EIF3H: variants seen among roughly 807,000 people sequenced by gnomAD.
EIF3H encodes the protein eukaryotic translation initiation factor 3 subunit H.
Under a neutral mutation model 44.2 loss-of-function variants are expected in EIF3H, and 26 were observed. The observed-to-expected ratio is 0.59, with a 90% CI of 0.43 to 0.82. The LOEUF is 0.82. EIF3H is among the 40% of genes least tolerant of loss of function. EIF3H has a pLI of 0.00. For missense variants in EIF3H, 359 were observed against 432.8 expected, an observed-to-expected ratio of 0.83 and a Z score of 1.51; for synonymous variants, 166 against 151.9, an observed-to-expected ratio of 1.09 and a Z score of -0.68.
chr8:116,756,139 G>T, upstream of EIF3H: 1 of 871,812 alleles, frequency 1.1e-6, no homozygotes, highest in Non-Finnish European at 1.8e-6. Flanking sequence ...TTTCATTTCT[G>T]ATCTTGCAAT....
chr8:116,720,508 T>C (rs772670660), intron 2 of EIF3H, among the ~76,000 whole-genome samples: 21 of 152,150 alleles, frequency 1.4e-4, no homozygotes, highest in Non-Finnish European at 2.9e-4. Flanking sequence ...TCTTTATCAG[T>C]GGCGTGAAAA....
At chr8:116,673,667 C>T (rs1423236078) in intron 2 of EIF3H, among the ~76,000 whole-genome samples, 1 of 152,104 alleles carries the variant, frequency 6.6e-6, no homozygotes, top group African/African-American at 2.4e-5. Context: ...AATGTAATCT[C>T]GTCTCTAACT....
chr8:116,677,174 G>A (rs1246817373), intron 2 of EIF3H, among the ~76,000 whole-genome samples: 1 of 152,108 alleles, frequency 6.6e-6, no homozygotes, highest in Non-Finnish European at 1.5e-5. Flanking sequence ...AAATTATATA[G>A]CTAATTTTAC....
chr8:116,650,698 C>T (rs1041182825), intron 5 of EIF3H, among the ~76,000 whole-genome samples: 3 of 152,186 alleles, frequency 2.0e-5, no homozygotes, highest in African/African-American at 7.2e-5. Context: ...CAGAGTTTCA[C>T]TCATCATCCA....
chr8:116,684,028 C>T (rs573394160), intron 2 of EIF3H, among the ~76,000 whole-genome samples: 57 of 152,304 alleles, frequency 3.7e-4, no homozygotes, highest in African/African-American at 1.3e-3. Context: ...GAAGTCTAAG[C>T]ACTGTCCCCT....
intron 1 of EIF3H, among the ~76,000 whole-genome samples, chr8:116,750,929 G>A (rs1815326281): frequency 6.6e-6 from 1 of 151,782 alleles, no homozygotes; most frequent in Admixed American, 6.6e-5. Flanking sequence ...ATAAAAGTAT[G>A]AGGCCGGGCA....
chr8:116,734,191 A>C, intron 1 of EIF3H: 1 of 445,186 alleles, frequency 2.2e-6, no homozygotes, highest in Non-Finnish European at 4.5e-6. Flanking sequence ...TAGAATGACA[A>C]TTAGGAAAAT....
intron 2 of EIF3H, among the ~76,000 whole-genome samples, chr8:116,713,217 G>A (rs965997407): frequency 5.3e-5 from 8 of 152,054 alleles, no homozygotes; most frequent in African/African-American, 1.7e-4. Flanking sequence ...TACTATTTAA[G>A]CACTGTATCC....
intron 5 of EIF3H, among the ~76,000 whole-genome samples, chr8:116,651,981 A>T (rs1813401218): frequency 6.6e-6 from 1 of 152,204 alleles, no homozygotes; most frequent in South Asian, 2.1e-4. Context: ...GAAGTGAGGA[A>T]GCTGTGAAAG....
intron 2 of EIF3H, among the ~76,000 whole-genome samples, chr8:116,676,611 T>C (rs2130828580): frequency 6.6e-6 from 1 of 152,258 alleles, no homozygotes; most frequent in East Asian, 1.9e-4. Flanking sequence ...CAAGATGAGA[T>C]CTGGATGGGG....
intron 2 of EIF3H, among the ~76,000 whole-genome samples, chr8:116,693,740 T>A (rs146497568): frequency 3.9e-5 from 6 of 152,208 alleles, no homozygotes; most frequent in African/African-American, 1.4e-4. Context: ...TGGAATACAG[T>A]GACATGGTCA....
chr8:116,728,255 A>G (rs138799902), intron 1 of EIF3H, among the ~76,000 whole-genome samples: 2,442 of 145,914 alleles, frequency 0.017, 35 homozygotes, highest in Non-Finnish European at 0.025. Flanking sequence ...CCTATCATGT[A>G]ATTCTCACAA....
At chr8:116,661,857 C>T (rs539654136) in intron 2 of EIF3H, among the ~76,000 whole-genome samples, 11 of 152,242 alleles carry the variant, frequency 7.2e-5, no homozygotes, top group African/African-American at 2.2e-4. Flanking sequence ...GAAAATGAAA[C>T]GTTCCTCTAA....
intron 5 of EIF3H, among the ~76,000 whole-genome samples, chr8:116,653,006 T>A (rs1289392983): frequency 6.6e-6 from 1 of 151,968 alleles, no homozygotes; most frequent in Non-Finnish European, 1.5e-5. Flanking sequence ...CAAAAGGAAA[T>A]CAGAGAAAGA....
rs571875850 is a variant in EIF3H, at chr8:116,678,255, G to GA, written c.290-19276dup. On this transcript the variant is annotated intron_variant, in intron 2 of 7. Transcript: ENST00000521861. Reference sequence around the variant, plus strand: ...AGTGATCCGCCAGCCTCGGCCTCCCGAGGTGCCGGGATTGCAGACGGAGTC... The same window carrying GA: ...AGTGATCCGCCAGCCTCGGCCTCCCGAAGGTGCCGGGATTGCAGACGGAGTC... 2.9e-4 allele frequency among the ~76,000 whole-genome samples: 44 copies of GA among 151,982 alleles called. No homozygotes were observed. The East Asian group carries it at 7.0e-3, about 24-fold the overall frequency.
Position 116,755,813 on chromosome 8 carries a change from G to A in EIF3H, c.-16C>T, listed in dbSNP as rs376853240. Reference sequence around the variant, plus strand: ...GGGACGCCATCTTTCCAAGCAGACAGGAAGAAAGAGAAACGTGAGTTACCG... The same window carrying A: ...GGGACGCCATCTTTCCAAGCAGACAAGAAGAAAGAGAAACGTGAGTTACCG... On this transcript the variant is annotated 5_prime_UTR_variant, in exon 1 of 8. Coordinates refer to ENST00000521861, the MANE Select transcript of EIF3H (RefSeq NM_003756.3). The A allele has an allele frequency of 3.5e-5, 56 of 1,611,944 alleles. No homozygotes were observed. The highest frequency in any genetic ancestry group is 1.6e-4 in the Middle Eastern group (1 of 6,084).
intron 1 of EIF3H, among the ~76,000 whole-genome samples, chr8:116,739,296 G>C (rs1230161301): frequency 6.6e-6 from 1 of 152,222 alleles, no homozygotes. Flanking sequence ...TTTCCCGTAA[G>C]GAATACTTTC....
intron 2 of EIF3H, among the ~76,000 whole-genome samples, chr8:116,667,593 A>G (rs1306702043): frequency 1.3e-5 from 2 of 152,240 alleles, no homozygotes; most frequent in East Asian, 3.8e-4. Flanking sequence ...TACAAAACAG[A>G]AAGAGATCTA....
At position 116,752,777 on chromosome 8, in the gene EIF3H, G is replaced by GA. The variant is rs1407650426; in HGVS notation, c.132+2888dup. Among the ~76,000 whole-genome samples, 92 of 59,858 alleles carry GA rather than the reference G, an allele frequency of 1.5e-3. 1 individual carries two copies. Among genetic ancestry groups the GA allele is most frequent in the African/African-American group, 3.7e-3 (75 of 20,408 alleles). The allele number at this position is 59,858 out of a possible 152,430, so 39.3% of individuals were successfully genotyped here. ...AGAGGGAGGGAGGGAGGGAGGGAGG[G>GA]AGGGAGGGAGGGAGGGAGGGAAGGA... On this transcript the variant is annotated intron_variant, in intron 1 of 7. Transcript: ENST00000521861.
Sources: gnomAD v4.1 joint callset for allele counts (sites outside exome capture counted in the v4.1 genomes callset) on GRCh38, gnomAD v4.1.1 for gene constraint, MANE v1.5 for transcripts, NCBI Gene and HGNC (gene_info 2026-07-23, HGNC 2026-07-21) for gene names.